Variants in TMEM170B observed in about 807,000 individuals in gnomAD.
The protein encoded by TMEM170B is transmembrane protein 170B.
TMEM170B carries 6 observed loss-of-function variants against 13.0 expected under a neutral mutation model. The ratio of observed to expected loss-of-function variants is 0.46; its 90% CI spans 0.25 to 0.91. The LOEUF (loss-of-function observed/expected upper bound fraction) is 0.91. Among genes scored for constraint, TMEM170B ranks in the 40% least tolerant of loss-of-function variants. The pLI is 0.17. For missense variants in TMEM170B, 138 were observed against 165.2 expected (o/e 0.84, Z 0.90); for synonymous variants, 61 against 64.9 (o/e 0.94, Z 0.29).
At position 11,577,729 on chromosome 6, in the gene TMEM170B, A is replaced by G. The variant is rs1218171983; in HGVS notation, c.*2168A>G. 1 of 152,122 alleles carries G rather than the reference A, an allele frequency of 6.6e-6. No individual in the cohort carries two copies. Among genetic ancestry groups the G allele is most frequent in the African/African-American group, 2.4e-5 (1 of 41,456 alleles). The allele number at this position is 152,122 out of a possible 1,614,324, so 9.4% of individuals were successfully genotyped here. On this transcript the variant is annotated 3_prime_UTR_variant, in exon 3 of 3. Transcript: ENST00000379426. ...ATTGTTTTTACTCTAGAATGAAAGT[A>G]TAATTGAACGGTTAATAATTAGTTT...
At chr6:11,563,634 A>G (rs1759698833) in intron 1 of TMEM170B, among the ~76,000 whole-genome samples, 1 of 152,156 alleles carries the variant, frequency 6.6e-6, no homozygotes, top group Non-Finnish European at 1.5e-5. Context: ...ACGCAAGGAA[A>G]CACTTCACTG....
rs1263249658 is a variant in TMEM170B, at chr6:11,538,101, GC to G, written c.-170del. Among the ~76,000 whole-genome samples, 1 of 150,806 alleles carries G rather than the reference GC, an allele frequency of 6.6e-6. No homozygotes were observed. The highest frequency in any genetic ancestry group is 2.4e-5 in the African/African-American group (1 of 41,214). On this transcript the variant is annotated 5_prime_UTR_variant, in exon 1 of 3. Transcript: ENST00000379426. ...GGCTGCCTGGGAGACACGCTGAGCGGCCCCCCCACGGAGGCCCTCCGGCTGC... is the reference window on the plus strand; with the variant it reads ...GGCTGCCTGGGAGACACGCTGAGCGGCCCCCCACGGAGGCCCTCCGGCTGC...
chr6:11,552,246 CTT>C (rs1759535055), intron 1 of TMEM170B, among the ~76,000 whole-genome samples: 1 of 152,118 alleles, frequency 6.6e-6, no homozygotes, highest in African/African-American at 2.4e-5. Context: ...GAGATTTGGA[CTT>C]ATTAAAATTT....
At position 11,582,432 on chromosome 6, in the gene TMEM170B, C is replaced by T. The variant is rs1389900054; in HGVS notation, c.*6871C>T. On this transcript the variant is annotated 3_prime_UTR_variant, in exon 3 of 3. Coordinates refer to ENST00000379426, the MANE Select transcript of TMEM170B (RefSeq NM_001100829.3). ...GGAATTCAAAGTTTAGAAAGCCTAA[C>T]GAATAGTAGCTACTAACTTCATATG... 3.3e-5 allele frequency: 5 copies of T among 152,312 alleles called. No homozygotes were observed. The East Asian group carries it at 5.8e-4, about 18-fold the overall frequency. 9.4% of individuals were successfully genotyped at this position (152,312 alleles called of 1,614,324 possible). A position where few individuals can be genotyped will look rare whatever the true frequency, so the allele number is the denominator to read the frequency against.
At chr6:11,538,607 C>T (rs1230697963) in intron 1 of TMEM170B, among the ~76,000 whole-genome samples, 3 of 152,212 alleles carry the variant, frequency 2.0e-5, no homozygotes, top group African/African-American at 7.2e-5. Flanking sequence ...GACCCCCGCT[C>T]CTGCCCCGCA....
At chr6:11,540,687 C>T (rs1759347955) in intron 1 of TMEM170B, among the ~76,000 whole-genome samples, 1 of 152,192 alleles carries the variant, frequency 6.6e-6, no homozygotes, top group African/African-American at 2.4e-5. Context: ...CACGATTGTT[C>T]TTAAGGGCAT....
chr6:11,573,148 A>G (rs1429946775), intron 2 of TMEM170B, among the ~76,000 whole-genome samples: 1 of 152,116 alleles, frequency 6.6e-6, no homozygotes, highest in Non-Finnish European at 1.5e-5. Context: ...TGAAACCTTT[A>G]TGGGTTTTAC....
chr6:11,563,978 A>G (rs910265157), intron 1 of TMEM170B, among the ~76,000 whole-genome samples: 2 of 152,330 alleles, frequency 1.3e-5, no homozygotes, highest in African/African-American at 4.8e-5. Context: ...TTAAAAAAAA[A>G]CAACAAAATC....
At chr6:11,563,693 G>C (rs1228518788) in intron 1 of TMEM170B, among the ~76,000 whole-genome samples, 1 of 152,104 alleles carries the variant, frequency 6.6e-6, no homozygotes, top group African/African-American at 2.4e-5. Context: ...GGCCAGGTGT[G>C]GTGGTTCTCG....
At chr6:11,550,601 T>G (rs774812353) in intron 1 of TMEM170B, among the ~76,000 whole-genome samples, 2 of 152,236 alleles carry the variant, frequency 1.3e-5, no homozygotes, top group Admixed American at 6.5e-5. Flanking sequence ...AATTTTACTT[T>G]TAGTAGTTAA....
At chr6:11,541,722 A>T (rs1759362692) in intron 1 of TMEM170B, among the ~76,000 whole-genome samples, 1 of 152,198 alleles carries the variant, frequency 6.6e-6, no homozygotes, top group South Asian at 2.1e-4. Context: ...CTCATCTTTG[A>T]ACGTGCCTTC....
intron 1 of TMEM170B, among the ~76,000 whole-genome samples, chr6:11,558,145 C>T (rs189686943): frequency 2.6e-5 from 4 of 152,230 alleles, no homozygotes; most frequent in Admixed American, 1.3e-4. Flanking sequence ...CCATATCTAC[C>T]ACAGTAATCT....
chr6:11,538,698 T>A (rs536528233), intron 1 of TMEM170B, among the ~76,000 whole-genome samples: 1 of 152,312 alleles, frequency 6.6e-6, no homozygotes, highest in Non-Finnish European at 1.5e-5. Context: ...CGCATTTCGC[T>A]TTTATTCCAT....
In TMEM170B at chr6:11,579,069, A is replaced by G. The variant is rs1179264438; in HGVS notation, c.*3508A>G. 3.3e-5 allele frequency: 5 copies of G among 152,230 alleles called. No individual in the cohort carries two copies. The East Asian group carries it at 9.6e-4, about 29-fold the overall frequency. 9.4% of individuals were successfully genotyped at this position (152,230 alleles called of 1,614,324 possible). ...CTTGAGTACACCAAGAGCTAGCAAG[A>G]TGATTTTTAAATCCTAAAAAGTTTG... On this transcript the variant is annotated 3_prime_UTR_variant, in exon 3 of 3. Coordinates refer to ENST00000379426, the MANE Select transcript of TMEM170B (RefSeq NM_001100829.3).
intron 2 of TMEM170B, among the ~76,000 whole-genome samples, chr6:11,571,341 T>C (rs1759798990): frequency 6.6e-6 from 1 of 152,114 alleles, no homozygotes; most frequent in Non-Finnish European, 1.5e-5. Flanking sequence ...TATCATTTGC[T>C]TTCTGTCAGG....
rs1759859678 is a variant in TMEM170B at position 11,575,321 on chromosome 6, AAAT to A, written c.269-109_269-107del. On this transcript the variant is annotated intron_variant, in intron 2 of 2. Coordinates refer to ENST00000379426, the MANE Select transcript of TMEM170B (RefSeq NM_001100829.3). This position sits in a 1 kb window ranked among gnomAD's most constrained non-coding sequence, Gnocchi z 4.1. The stretch of plus-strand genomic sequence containing the variant: ...ATAGAAAGTGGATAAAATGAGAAAA[AAAT>A]GATGACTTATGTTTTGATGAAATGA... 1.4e-6 allele frequency: 2 copies of A among 1,417,740 alleles called. No individual in the cohort carries two copies. Among genetic ancestry groups the A allele is most frequent in the Non-Finnish European group, 1.9e-6 (2 of 1,045,570 alleles). The allele number at this position is 1,417,740 out of a possible 1,614,324, so 87.8% of individuals were successfully genotyped here.
At chr6:11,551,162 T>C (rs937967761) in intron 1 of TMEM170B, among the ~76,000 whole-genome samples, 8 of 152,258 alleles carry the variant, frequency 5.3e-5, no homozygotes, top group African/African-American at 1.9e-4. Context: ...TGGCAGGTGG[T>C]GGGAGGCCTT....
In TMEM170B at chr6:11,578,489, A is replaced by G. The variant is rs1038852851; in HGVS notation, c.*2928A>G. On this transcript the variant is annotated 3_prime_UTR_variant, in exon 3 of 3. Coordinates refer to ENST00000379426, the MANE Select transcript of TMEM170B (RefSeq NM_001100829.3). ...ATTAAAAATGCCATAGATCACAGCT[A>G]GTCAGGAGGCCTCAAATAAACTGCA... 1.3e-5 allele frequency: 2 copies of G among 152,186 alleles called. No individual in the cohort carries two copies. Among genetic ancestry groups the G allele is most frequent in the Admixed American group, 6.5e-5 (1 of 15,272 alleles). 9.4% of individuals were successfully genotyped at this position (152,186 alleles called of 1,614,324 possible).
At chr6:11,543,013 C>T (rs576762397) in intron 1 of TMEM170B, among the ~76,000 whole-genome samples, 8 of 152,300 alleles carry the variant, frequency 5.3e-5, no homozygotes, top group Non-Finnish European at 1.0e-4. Context: ...CTAGACTCCT[C>T]TTTCTTCTTT....
Sources: gnomAD v4.1 joint callset for allele counts (sites outside exome capture counted in the v4.1 genomes callset) on GRCh38, gnomAD v4.1.1 for gene constraint, Gnocchi (gnomAD v3.1) non-coding constraint, MANE v1.5 for transcripts, NCBI Gene and HGNC (gene_info 2026-07-23, HGNC 2026-07-21) for gene names.